Variants in CACNA1G observed in about 807,000 individuals in gnomAD.
CACNA1G encodes the protein calcium voltage-gated channel subunit alpha1 G.
In CACNA1G, 67 loss-of-function variants were observed where a neutral mutation model predicts 219.4. The ratio of observed to expected loss-of-function variants is 0.31; its 90% CI spans 0.25 to 0.37. The LOEUF (loss-of-function observed/expected upper bound fraction) is 0.37, where lower values mean the gene tolerates loss of function less well. CACNA1G is among the 10% of genes least tolerant of loss of function. The pLI, the probability that CACNA1G is intolerant of heterozygous loss-of-function variation, is 1.00. For synonymous variants in CACNA1G, 1,296 were observed against 1,345.3 expected, an observed-to-expected ratio of 0.96 and a Z score of 0.80; for missense variants, 2,380 against 3,231.4, an observed-to-expected ratio of 0.74 and a Z score of 6.39.
At chr17:50,604,042 C>T in intron 21 of CACNA1G, 113 bp from the exon 22 acceptor site, 4 of 1,104,478 alleles carry the variant, frequency 3.6e-6, no homozygotes, top group Non-Finnish European at 4.9e-6. Flanking sequence ...GTTCTGCCAC[C>T]AGAGGCCAGG....
chr17:50,624,660 C>T lies in CACNA1G; in HGVS notation c.6399+131C>T, dbSNP rs912905761. 54 of 949,268 alleles carry T rather than the reference C, an allele frequency of 5.7e-5. No individual in the cohort carries two copies. The Admixed American group carries it at 7.1e-4, about 13-fold the overall frequency. 58.8% of individuals were successfully genotyped at this position (949,268 alleles called of 1,614,324 possible). A position where few individuals can be genotyped will look rare whatever the true frequency, so the allele number is the denominator to read the frequency against. Reference sequence around the variant, plus strand: ...GCCAGTGATGTGCCAGGCTCAGTTGCAGATACCAGGGACACAGTACTGGGC... The same window carrying T: ...GCCAGTGATGTGCCAGGCTCAGTTGTAGATACCAGGGACACAGTACTGGGC... On this transcript the variant is annotated intron_variant, in intron 37 of 37. Coordinates refer to ENST00000359106, the MANE Select transcript of CACNA1G (RefSeq NM_018896.5).
At chr17:50,612,089 T>C (rs951589664) in intron 26 of CACNA1G, among the ~76,000 whole-genome samples, 4 of 152,252 alleles carry the variant, frequency 2.6e-5, no homozygotes, top group African/African-American at 7.2e-5. Context: ...CAAACTTCCA[T>C]GTGCATAAGA....
Position 50,601,139 on chromosome 17 carries a change from G to A in CACNA1G, c.3880G>A (p.Ala1294Thr), listed in dbSNP as rs761026354. ...VIIFLNCITIAMERPKIDPHS... is the reference protein window; with the variant it reads ...VIIFLNCITITMERPKIDPHS... ...CATCTTCCTTAACTGCATCACCATC[G>A]CCATGGAGCGCCCCAAAATTGACCC... is the stretch of plus-strand genomic sequence containing the variant. The change falls in exon 19 of 38, where the codon GCC becomes ACC. Residue 1294 changes from alanine (A) to threonine (T), a missense_variant. By Grantham distance (58) the Ala-to-Thr change is moderately conservative (BLOSUM62 0). Around this residue, in one of 17 missense-constraint regions of CACNA1G, gnomAD observed 153 missense variants for 374.9 expected, o/e 0.41. Transcript: ENST00000359106. The A allele has an allele frequency of 3.7e-6, 6 of 1,613,702 alleles. No homozygotes were observed. Among genetic ancestry groups the A allele is most frequent in the South Asian group, 1.1e-5 (1 of 91,084 alleles).
At chr17:50,614,047 C>T (rs907859982) in intron 26 of CACNA1G, among the ~76,000 whole-genome samples, 8 of 152,322 alleles carry the variant, frequency 5.3e-5, no homozygotes, top group Non-Finnish European at 8.8e-5. Context: ...ACCTCAAGGC[C>T]GATGCTGGAG....
chr17:50,621,782 C>CAGTA lies in CACNA1G; in HGVS notation c.6048_6049insAGTA (p.Leu2017SerfsTer35). The CAGTA allele has an allele frequency of 6.2e-7, 1 of 1,613,812 alleles. No homozygotes were observed. Among genetic ancestry groups the CAGTA allele is most frequent in the South Asian group, 1.1e-5 (1 of 91,082 alleles). On this transcript the variant is annotated frameshift_variant, in exon 35 of 38. Coordinates refer to ENST00000359106, the MANE Select transcript of CACNA1G (RefSeq NM_018896.5). LOFTEE classifies it high-confidence loss of function. The surrounding 1 kb of genome is among the most constrained non-coding windows in gnomAD (Gnocchi z 4.6). ...ACATGCACACACTCTTACTTAGTGCCCTGGAGAGCAATGTACATACACACT... is the reference window on the plus strand; with the variant it reads ...ACATGCACACACTCTTACTTAGTGCCAGTACTGGAGAGCAATGTACATACACACT...
intron 25 of CACNA1G, among the ~76,000 whole-genome samples, chr17:50,608,900 C>G (rs1051889917): frequency 1.3e-5 from 2 of 152,142 alleles, no homozygotes; most frequent in South Asian, 4.1e-4. Context: ...GCGTAATCTC[C>G]GCGCCTCTCT....
intron 7 of CACNA1G, 112 bp downstream of exon 7, chr17:50,573,225 G>A (rs1188893588): frequency 5.4e-6 from 4 of 744,372 alleles, no homozygotes; most frequent in Admixed American, 4.2e-5. Context: ...CTCAGGACAA[G>A]TCCTGTAGAG....
Position 50,626,133 on chromosome 17 carries a change from G to A in CACNA1G, c.6516G>A (p.Gln2172=). The change falls in exon 38 of 38, where the codon CAG becomes CAA. Residue 2172 remains glutamine, a synonymous_variant. Coordinates refer to ENST00000359106, the MANE Select transcript of CACNA1G (RefSeq NM_018896.5). The surrounding 1 kb of genome is among the most constrained non-coding windows in gnomAD (Gnocchi z 4.3). ...CCCGGGCCTACTCTTTCTGGGGCCAGTCAAGTACCCAGGCACAGCAGCACT... is the reference window on the plus strand; with the variant it reads ...CCCGGGCCTACTCTTTCTGGGGCCAATCAAGTACCCAGGCACAGCAGCACT... ...PLARAYSFWG[Q]SSTQAQQHSR... 2 of 1,613,776 alleles carry A rather than the reference G, an allele frequency of 1.2e-6. No individual in the cohort carries two copies. Among genetic ancestry groups the A allele is most frequent in the Non-Finnish European group, 1.7e-6 (2 of 1,179,848 alleles).
At position 50,590,336 on chromosome 17, in the gene CACNA1G, G is replaced by C. The variant is rs1340764461; in HGVS notation, c.2302-135G>C. On this transcript the variant is annotated intron_variant, in intron 9 of 37. Coordinates refer to ENST00000359106, the MANE Select transcript of CACNA1G (RefSeq NM_018896.5). ...CTTTGGGGCAGGGTCCTCCCCATGGGCCTGAGCATCCAGCAACCCCTCCGC... is the reference window on the plus strand; with the variant it reads ...CTTTGGGGCAGGGTCCTCCCCATGGCCCTGAGCATCCAGCAACCCCTCCGC... 4 of 990,070 alleles carry C rather than the reference G, an allele frequency of 4.0e-6. No individual in the cohort carries two copies. In the Admixed American group the frequency reaches 8.5e-5, roughly 21 times the overall value. The allele number at this position is 990,070 out of a possible 1,614,324, so 61.3% of individuals were successfully genotyped here. A position where few individuals can be genotyped will look rare whatever the true frequency, so the allele number is the denominator to read the frequency against.
intron 35 of CACNA1G, 117 bp from the exon 36 acceptor site, chr17:50,623,790 G>A (rs921431286): frequency 1.1e-5 from 12 of 1,068,008 alleles, no homozygotes; most frequent in Non-Finnish European, 1.4e-5. Context: ...GTCCTGGGAG[G>A]GCACGGGGGT....
At chr17:50,590,686 G>T (rs1313518493) in intron 10 of CACNA1G, 64 bp downstream of exon 10, 6 of 1,513,236 alleles carry the variant, frequency 4.0e-6, no homozygotes, top group Middle Eastern at 1.7e-4. Flanking sequence ...CTTGGGGCCA[G>T]GGGCCATGCC....
At chr17:50,609,270 C>T (rs542737048) in intron 25 of CACNA1G, among the ~76,000 whole-genome samples, 117 of 152,162 alleles carry the variant, frequency 7.7e-4, no homozygotes, top group African/African-American at 2.7e-3. Flanking sequence ...CTGTGAAGAG[C>T]GGGAGCTGCT....
In CACNA1G at chr17:50,626,208, C is replaced by T. The variant is rs1172691530; in HGVS notation, c.6591C>T (p.Cys2197=). 1.2e-6 allele frequency: 2 copies of T among 1,613,808 alleles called. No homozygotes were observed. The highest frequency in any genetic ancestry group is 1.7e-5 in the Admixed American group (1 of 60,016). Residue 2197 remains cysteine, a synonymous_variant, in exon 38 of 38, where the codon TGC becomes TGT. Coordinates refer to ENST00000359106, the MANE Select transcript of CACNA1G (RefSeq NM_018896.5). The surrounding 1 kb of genome is among the most constrained non-coding windows in gnomAD (Gnocchi z 4.3). ...ISKHMTPPAP[C]PGPEPNWGKG... ...AGCACATGACCCCGCCAGCCCCTTG[C>T]CCAGGCCCAGAACCCAACTGGGGCA... is the stretch of plus-strand genomic sequence containing the variant.
At chr17:50,569,830 C>T (rs2038957680) in intron 4 of CACNA1G, 27 bp downstream of exon 4, 1 of 1,504,224 alleles carries the variant, frequency 6.6e-7, no homozygotes, top group Non-Finnish European at 9.0e-7. Flanking sequence ...CCCTCAGCCC[C>T]TGAAGAGAGC....
intron 9 of CACNA1G, among the ~76,000 whole-genome samples, chr17:50,579,072 G>A (rs117355256): frequency 6.6e-6 from 1 of 152,114 alleles, no homozygotes; most frequent in African/African-American, 2.4e-5. Context: ...GGGTCAGGGA[G>A]GGAGGCAATC....
rs2052186351 is a variant in CACNA1G, at chr17:50,621,875, G to A, written c.6060+81G>A. On this transcript the variant is annotated intron_variant, in intron 35 of 37. Transcript: ENST00000359106. The surrounding 1 kb of genome is among the most constrained non-coding windows in gnomAD (Gnocchi z 4.6). ...AGGGCTCCAGATCGGCCCAGGGAGG[G>A]TCCTGGGGCCGCCTCCTCTCAGTTT... 1.3e-6 allele frequency: 2 copies of A among 1,490,116 alleles called. No individual in the cohort carries two copies. Among genetic ancestry groups the A allele is most frequent in the African/African-American group, 1.4e-5 (1 of 72,564 alleles). The allele number at this position is 1,490,116 out of a possible 1,614,324, so 92.3% of individuals were successfully genotyped here. A position where few individuals can be genotyped will look rare whatever the true frequency, so the allele number is the denominator to read the frequency against.
At chr17:50,572,415 C>T (rs931838279) in intron 5 of CACNA1G, 139 bp from the exon 6 acceptor site, 10 of 709,454 alleles carry the variant, frequency 1.4e-5, no homozygotes, top group South Asian at 4.0e-5. Context: ...CCCTGCCCTG[C>T]CCAGTCCCTT....
chr17:50,575,932 G>A lies in CACNA1G; in HGVS notation c.1530G>A (p.Gly510=), dbSNP rs1253360764. The change falls in exon 8 of 38, where the codon GGG becomes GGA. Residue 510 remains glycine, a synonymous_variant. Coordinates refer to ENST00000359106, the MANE Select transcript of CACNA1G (RefSeq NM_018896.5). Reference sequence around the variant, plus strand: ...ACCACCACTACCACCTGGGCAATGGGACGCTCAGGGCCCCCCGGGCCAGCC... The same window carrying A: ...ACCACCACTACCACCTGGGCAATGGAACGCTCAGGGCCCCCCGGGCCAGCC... ...HHHHHYHLGN[G]TLRAPRASPE... is the part of the protein sequence containing the mutation. 6.4e-7 allele frequency: 1 copy of A among 1,555,412 alleles called. No individual in the cohort carries two copies. The highest frequency in any genetic ancestry group is 8.7e-7 in the Non-Finnish European group (1 of 1,150,050).
chr17:50,592,014 C>T lies in CACNA1G; in HGVS notation c.2832C>T (p.Phe944=), dbSNP rs764856079. Residue 944 remains phenylalanine, a synonymous_variant, in exon 13 of 38, where the codon TTC becomes TTT. Coordinates refer to ENST00000359106, the MANE Select transcript of CACNA1G (RefSeq NM_018896.5). ...CGTCGTCCTGGGCGGCCCTTTATTT[C>T]ATTGCCCTCATGACCTTCGGCAACT... The part of the protein sequence containing the change: ...ASTSSWAALY[F]IALMTFGNYV... 5 of 1,614,022 alleles carry T rather than the reference C, an allele frequency of 3.1e-6. No homozygotes were observed. The South Asian group carries it at 5.5e-5, about 18-fold the overall frequency.
Sources: allele counts gnomAD v4.1 joint callset (sites outside exome capture counted in the v4.1 genomes callset), GRCh38; gene constraint gnomAD v4.1.1; regional missense constraint gnomAD v4.1.1; non-coding constraint Gnocchi (gnomAD v3.1); transcripts MANE v1.5; gene names NCBI Gene and HGNC (gene_info 2026-07-23, HGNC 2026-07-21).